LAMA5: variants seen among roughly 807,000 people sequenced by gnomAD.
The protein encoded by LAMA5 is laminin subunit alpha-5.
LAMA5 carries 260 observed loss-of-function variants against 433.4 expected under a neutral mutation model. The ratio of observed to expected loss-of-function variants is 0.60; its 90% CI spans 0.54 to 0.66. The LOEUF is 0.66. Ranked by LOEUF, LAMA5 falls within the 30% of genes least tolerant of loss-of-function variation. LAMA5 has a pLI of 0.00. For synonymous variants in LAMA5, 2,620 were observed against 2,226.6 expected, an observed-to-expected ratio of 1.18 and a Z score of -4.97; for missense variants, 5,378 against 5,258.5, an observed-to-expected ratio of 1.02 and a Z score of -0.70.
chr20:62,366,927 C>A, intron 1 of LAMA5, 22 bp downstream of exon 1: 1 of 1,251,726 alleles, frequency 8.0e-7, no homozygotes, highest in South Asian at 3.8e-5. Context: ...GAGGAAGCCC[C>A]ACGGCCCGCC....
At position 62,327,846 on chromosome 20, in the gene LAMA5, T is replaced by G; in HGVS notation, c.4797+20A>C. The G allele has an allele frequency of 1.3e-6, 2 of 1,596,242 alleles. No individual in the cohort carries two copies. The highest frequency in any genetic ancestry group is 1.7e-6 in the Non-Finnish European group (2 of 1,170,956). On this transcript the variant is annotated intron_variant, in intron 36 of 79. Coordinates refer to ENST00000252999, the MANE Select transcript of LAMA5 (RefSeq NM_005560.6). Reference sequence around the variant, plus strand: ...TGAGGCCGGAGGGAGAGGCCAGATCTGGGCCCAGCCCTCACTCACCTTACA... The same window carrying G: ...TGAGGCCGGAGGGAGAGGCCAGATCGGGGCCCAGCCCTCACTCACCTTACA...
rs1233366948 is a variant in LAMA5, at chr20:62,355,225, TGAC to T, written c.451-1977_451-1975del. 5 of 152,300 alleles carry T rather than the reference TGAC, an allele frequency of 3.3e-5. No individual in the cohort carries two copies. The South Asian group carries it at 6.2e-4, about 19-fold the overall frequency. 9.4% of individuals were successfully genotyped at this position (152,300 alleles called of 1,614,324 possible). A position where few individuals can be genotyped will look rare whatever the true frequency, so the allele number is the denominator to read the frequency against. ...CACCCACCACACCTCCTCGGGACCCTGACCCGCCAGTGCCCACTCCTCCGGAGA... is the reference window on the plus strand; with the variant it reads ...CACCCACCACACCTCCTCGGGACCCTCCGCCAGTGCCCACTCCTCCGGAGA... On this transcript the variant is annotated intron_variant, in intron 2 of 79. Transcript: ENST00000252999.
At chr20:62,340,301 CTTTGTTT>C (rs1982379404) in intron 11 of LAMA5, among the ~76,000 whole-genome samples, 1 of 92,646 alleles carries the variant, frequency 1.1e-5, no homozygotes, top group Non-Finnish European at 2.5e-5. Flanking sequence ...AACAAGCCTC[CTTTGTTT>C]TTTTTTTTTT....
chr20:62,338,412 G>A (rs778223506), intron 12 of LAMA5, 43 bp from the exon 13 acceptor site: 7 of 1,607,968 alleles, frequency 4.4e-6, no homozygotes, highest in Non-Finnish European at 5.9e-6. Flanking sequence ...GAGGCACCAG[G>A]CCTCAGGTGT....
At chr20:62,319,205 C>T (rs1601305736) in intron 51 of LAMA5, 192 bp from the exon 52 acceptor site, 2 of 595,718 alleles carry the variant, frequency 3.4e-6, no homozygotes, top group African/African-American at 3.7e-5. Context: ...CCCTCACCTC[C>T]TGCAGTGCCT....
chr20:62,325,737 C>T (rs1601330335), intron 40 of LAMA5, among the ~76,000 whole-genome samples, 191 bp from the exon 41 acceptor site: 1 of 152,188 alleles, frequency 6.6e-6, no homozygotes, highest in Admixed American at 6.5e-5. Context: ...TCACACCACA[C>T]ATCAAACCAG....
Position 62,351,898 on chromosome 20 carries a change from G to C in LAMA5, c.858+11C>G, listed in dbSNP as rs1285113638. 3.8e-6 allele frequency: 6 copies of C among 1,592,884 alleles called. No individual in the cohort carries two copies. On this transcript the variant is annotated intron_variant, in intron 5 of 79. Transcript: ENST00000252999. ...AGTCCCCCTCCCCCGCCTGCGCCAT[G>C]GGCAGCTCACCCGGCGGGTGACCGT... is the stretch of plus-strand genomic sequence containing the variant.
intron 6 of LAMA5, among the ~76,000 whole-genome samples, chr20:62,349,051 C>G (rs2427292): frequency 5.3e-5 from 8 of 151,616 alleles, no homozygotes; most frequent in Admixed American, 5.3e-4. Flanking sequence ...AGGTGGATCA[C>G]GAGGTCAGGA....
In LAMA5 at chr20:62,327,896, A is replaced by G. The variant is rs1475020435; in HGVS notation, c.4767T>C (p.Cys1589=). 3.1e-6 allele frequency: 5 copies of G among 1,611,412 alleles called. No homozygotes were observed. Among genetic ancestry groups the G allele is most frequent in the Non-Finnish European group, 4.2e-6 (5 of 1,179,606 alleles). Residue 1589 remains cysteine, a synonymous_variant, in exon 36 of 80, where the codon TGT becomes TGC. Coordinates refer to ENST00000252999, the MANE Select transcript of LAMA5 (RefSeq NM_005560.6). ...AGTAGCACTGCCCTGTGAGGGGGTC[A>G]CACACGCCAGGCGCAGTGCCCGCCT... ...CHEAGTAPGV[C]DPLTGQCYCK...
chr20:62,361,035 C>T (rs1425244861), intron 2 of LAMA5, among the ~76,000 whole-genome samples: 1 of 152,168 alleles, frequency 6.6e-6, no homozygotes, highest in Admixed American at 6.5e-5. Context: ...CCAGCCCAGC[C>T]CCCTAGTTTC....
chr20:62,321,405 T>G lies in LAMA5; in HGVS notation c.6497-515A>C, dbSNP rs113612258. On this transcript the variant is annotated intron_variant, in intron 48 of 79. Transcript: ENST00000252999. ...GGGGTGGGGTCAGAGGACGGGTGGG[T>G]TCAGAGGACGGGTAGGGTCAGTGGA... Among the ~76,000 whole-genome samples, 8 of 1,376 alleles carry G rather than the reference T, an allele frequency of 5.8e-3. 1 individual carries two copies. Among genetic ancestry groups the G allele is most frequent in the Admixed American group, 0.012 (1 of 84 alleles). 0.9% of individuals were successfully genotyped at this position (1,376 alleles called of 152,430 possible). A position where few individuals can be genotyped will look rare whatever the true frequency, so the allele number is the denominator to read the frequency against.
intron 3 of LAMA5, chr20:62,352,869 T>C (rs1474432292): frequency 2.2e-6 from 1 of 445,406 alleles, no homozygotes; most frequent in African/African-American, 2.0e-5. Flanking sequence ...GAGCTGCCGG[T>C]GCATGAAGCC....
chr20:62,312,800 T>A lies in LAMA5; in HGVS notation c.9079-20A>T. 6.3e-7 allele frequency: 1 copy of A among 1,596,432 alleles called. No homozygotes were observed. The highest frequency in any genetic ancestry group is 1.3e-5 in the African/African-American group (1 of 74,404). ...CTGGATCTACAGGACCAGTGGGGGC[T>A]CCAGGGCCAGCTGTGTCCCTGCGGC... On this transcript the variant is annotated intron_variant, in intron 66 of 79. Transcript: ENST00000252999.
At chr20:62,351,876 C>T in intron 5 of LAMA5, 33 bp downstream of exon 5, 1 of 1,576,076 alleles carries the variant, frequency 6.3e-7, no homozygotes, top group Non-Finnish European at 8.6e-7. Context: ...CCCGGCCAGT[C>T]CCCCTCCCCC....
chr20:62,347,097 C>A, intron 6 of LAMA5, 69 bp from the exon 7 acceptor site: 2 of 1,168,370 alleles, frequency 1.7e-6, no homozygotes, highest in South Asian at 2.6e-5. Flanking sequence ...AGTCCCTTCC[C>A]TGAAGGGGCC....
At chr20:62,344,144 CA>C (rs34940052) in intron 11 of LAMA5, among the ~76,000 whole-genome samples, 63,530 of 82,664 alleles carry the variant, frequency 0.77, 24,560 homozygotes, top group East Asian at 0.91. Context: ...AACTCCATCT[CA>C]AAAAAAAAAA....
At position 62,333,946 on chromosome 20, in the gene LAMA5, G is replaced by GC. The variant is rs760720665; in HGVS notation, c.2832dup (p.Arg945AlafsTer71). On this transcript the variant is annotated frameshift_variant, in exon 23 of 80. Transcript: ENST00000252999. LOFTEE classifies it high-confidence loss of function. ...CTGCCCTCCTCTCGCACAGAGACCC[G>GC]CCCGCTCACACTCATGGCCCCCCGG... 3 of 1,612,258 alleles carry GC rather than the reference G, an allele frequency of 1.9e-6. No homozygotes were observed. Among genetic ancestry groups the GC allele is most frequent in the Non-Finnish European group, 1.7e-6 (2 of 1,179,646 alleles).
At chr20:62,327,475 A>G (rs948552079) in intron 37 of LAMA5, 54 bp downstream of exon 37, 12 of 1,607,300 alleles carry the variant, frequency 7.5e-6, no homozygotes, top group Non-Finnish European at 1.0e-5. Context: ...TCTTGCATCC[A>G]GTCCCACCTA....
intron 1 of LAMA5, among the ~76,000 whole-genome samples, chr20:62,365,778 T>TC (rs1986654262): frequency 6.6e-6 from 1 of 152,080 alleles, no homozygotes; most frequent in South Asian, 2.1e-4. Context: ...AGGGCTCAGA[T>TC]CCCCCATCTG....
Sources: allele counts gnomAD v4.1 joint callset (sites outside exome capture counted in the v4.1 genomes callset), GRCh38; gene constraint gnomAD v4.1.1; transcripts MANE v1.5; gene names NCBI Gene and HGNC (gene_info 2026-07-23, HGNC 2026-07-21).